The following ZCCHC24 variants were observed in gnomAD, a reference collection of about 807,000 sequenced individuals.
ZCCHC24 encodes zinc finger CCHC-type containing 24.
In ZCCHC24, 10 loss-of-function variants were observed where a neutral mutation model predicts 26.2. The ratio of observed to expected loss-of-function variants is 0.38; its 90% CI spans 0.24 to 0.65. The LOEUF (loss-of-function observed/expected upper bound fraction) is 0.65. Among genes scored for constraint, ZCCHC24 ranks in the 30% least tolerant of loss-of-function variants. The probability of loss-of-function intolerance (pLI) is 0.54; values close to 1 mark genes in which losing one functional copy is unlikely to be tolerated. For synonymous variants in ZCCHC24, 144 were observed against 147.1 expected (o/e 0.98, Z 0.15); for missense variants, 243 against 329.1 (o/e 0.74, Z 2.03).
In ZCCHC24 at chr10:79,386,212, C is replaced by T. The variant is rs1856390505; in HGVS notation, c.*133G>A. The T allele has an allele frequency of 9.4e-6, 7 of 741,880 alleles. No individual in the cohort carries two copies. The highest frequency in any genetic ancestry group is 1.6e-5 in the Non-Finnish European group (7 of 428,102). The allele number at this position is 741,880 out of a possible 1,614,324, so 46.0% of individuals were successfully genotyped here. On this transcript the variant is annotated 3_prime_UTR_variant, in exon 4 of 4. Coordinates refer to ENST00000372336, the MANE Select transcript of ZCCHC24 (RefSeq NM_153367.4). ...ACACACAAGACAAGGACGCTAAGAG[C>T]CCCCGGCCCAGCCCCGCAGGCCTGC...
chr10:79,423,581 C>CTATATATATATTATATATA lies in ZCCHC24; in HGVS notation c.447+8976_447+8977insTATATATAATATATATATA. Reference sequence around the variant, plus strand: ...AACAAAAACAAACAAAATATATATACTATATATATATATATATATATATAT... The same window carrying CTATATATATATTATATATA: ...AACAAAAACAAACAAAATATATATACTATATATATATTATATATATATATATATATATATATATATATAT... On this transcript the variant is annotated intron_variant, in intron 2 of 3. Transcript: ENST00000372336. Among the ~76,000 whole-genome samples, 10 of 53,764 alleles carry CTATATATATATTATATATA rather than the reference C, an allele frequency of 1.9e-4. 2 individuals are homozygous for CTATATATATATTATATATA. Among genetic ancestry groups the CTATATATATATTATATATA allele is most frequent in the African/African-American group, 6.9e-4 (9 of 13,022 alleles). 35.3% of individuals were successfully genotyped at this position (53,764 alleles called of 152,430 possible). A position where few individuals can be genotyped will look rare whatever the true frequency, so the allele number is the denominator to read the frequency against.
intron 1 of ZCCHC24, chr10:79,444,379 A>G (rs559086914): frequency 2.2e-5 from 16 of 738,772 alleles, no homozygotes; most frequent in African/African-American, 2.1e-4. Context: ...GGCGCTGCCC[A>G]GTCAACTTTG....
intron 2 of ZCCHC24, among the ~76,000 whole-genome samples, chr10:79,395,529 C>T (rs774257973): frequency 6.6e-6 from 1 of 152,196 alleles, no homozygotes; most frequent in African/African-American, 2.4e-5. Flanking sequence ...CCCTTCTTCC[C>T]ACATACTGCA....
intron 2 of ZCCHC24, among the ~76,000 whole-genome samples, chr10:79,425,483 C>A (rs1211620283): frequency 1.3e-5 from 2 of 152,176 alleles, no homozygotes; most frequent in African/African-American, 4.8e-5. Flanking sequence ...TTTAAAGAAC[C>A]CTGACTTTCT....
chr10:79,416,520 C>T (rs1673669625), intron 2 of ZCCHC24, among the ~76,000 whole-genome samples: 1 of 152,142 alleles, frequency 6.6e-6, no homozygotes, highest in African/African-American at 2.4e-5. Context: ...TCACCCAGGG[C>T]TCAAATCCCA....
At position 79,386,221 on chromosome 10, in the gene ZCCHC24, C is replaced by G. The variant is rs745987773; in HGVS notation, c.*124G>C. ...ACAAGGACGCTAAGAGCCCCCGGCC[C>G]AGCCCCGCAGGCCTGCGAGGGCACC... is the stretch of plus-strand genomic sequence containing the variant. On this transcript the variant is annotated 3_prime_UTR_variant, in exon 4 of 4. Transcript: ENST00000372336. 1.2e-6 allele frequency: 1 copy of G among 835,118 alleles called. No individual in the cohort carries two copies. Among genetic ancestry groups the G allele is most frequent in the Non-Finnish European group, 2.0e-6 (1 of 508,004 alleles). 51.7% of individuals were successfully genotyped at this position (835,118 alleles called of 1,614,324 possible).
chr10:79,387,946 G>A (rs1856423660), intron 3 of ZCCHC24, among the ~76,000 whole-genome samples: 1 of 152,178 alleles, frequency 6.6e-6, no homozygotes, highest in Non-Finnish European at 1.5e-5. Context: ...AAGGCCTGGA[G>A]GGAAAGACAG....
At chr10:79,427,262 C>T (rs1397208156) in intron 2 of ZCCHC24, among the ~76,000 whole-genome samples, 1 of 152,158 alleles carries the variant, frequency 6.6e-6, no homozygotes, top group African/African-American at 2.4e-5. Context: ...AATATCCCCA[C>T]TTAAAATAAT....
In ZCCHC24 at chr10:79,393,020, C is replaced by A. The variant is rs138698350; in HGVS notation, c.612+1256G>T. On this transcript the variant is annotated intron_variant, in intron 3 of 3. Transcript: ENST00000372336. Reference sequence around the variant, plus strand: ...GACCCCACCCCAGGCTTCTAGGACTCCACACCCCCTGGTTCTCCTTCTCCT... The same window carrying A: ...GACCCCACCCCAGGCTTCTAGGACTACACACCCCCTGGTTCTCCTTCTCCT... Among the ~76,000 whole-genome samples, 1,205 of 152,302 alleles carry A rather than the reference C, an allele frequency of 7.9e-3. 11 individuals carry two copies. The highest frequency in any genetic ancestry group is 0.019 in the African/African-American group (786 of 41,554).
At chr10:79,398,831 T>C (rs1305894614) in intron 2 of ZCCHC24, among the ~76,000 whole-genome samples, 1 of 152,104 alleles carries the variant, frequency 6.6e-6, no homozygotes, top group African/African-American at 2.4e-5. Context: ...TGGAATCCTG[T>C]GGGGCAGGGG....
At chr10:79,443,375 G>A (rs1020084780) in intron 1 of ZCCHC24, among the ~76,000 whole-genome samples, 1 of 152,190 alleles carries the variant, frequency 6.6e-6, no homozygotes, top group Non-Finnish European at 1.5e-5. Flanking sequence ...ACCCACAGGT[G>A]GGGAACAATG....
In ZCCHC24 at chr10:79,384,336, C is replaced by G. The variant is rs1200394758; in HGVS notation, c.*2009G>C. The G allele has an allele frequency of 6.6e-6, 1 of 152,434 alleles. No homozygotes were observed. The highest frequency in any genetic ancestry group is 2.1e-4 in the South Asian group (1 of 4,840). The allele number at this position is 152,434 out of a possible 1,614,324, so 9.4% of individuals were successfully genotyped here. A position where few individuals can be genotyped will look rare whatever the true frequency, so the allele number is the denominator to read the frequency against. Reference sequence around the variant, plus strand: ...CCAGGCATCCTTGGGCCAAGGTCCCCCATGGCCGGGTCCCTGGAAGGGTTG... The same window carrying G: ...CCAGGCATCCTTGGGCCAAGGTCCCGCATGGCCGGGTCCCTGGAAGGGTTG... On this transcript the variant is annotated 3_prime_UTR_variant, in exon 4 of 4. Transcript: ENST00000372336.
At chr10:79,413,924 G>A (rs778794446) in intron 2 of ZCCHC24, among the ~76,000 whole-genome samples, 12 of 152,256 alleles carry the variant, frequency 7.9e-5, no homozygotes, top group Non-Finnish European at 1.3e-4. Flanking sequence ...GTAGCTGTAT[G>A]TCCACCTGCT....
intron 2 of ZCCHC24, among the ~76,000 whole-genome samples, chr10:79,404,221 C>T (rs912252155): frequency 2.6e-5 from 4 of 152,332 alleles, no homozygotes; most frequent in South Asian, 4.1e-4. Flanking sequence ...GGCCCTGAGG[C>T]GCTGCTGCCC....
chr10:79,420,477 G>T (rs915454230), intron 2 of ZCCHC24, among the ~76,000 whole-genome samples: 3 of 152,180 alleles, frequency 2.0e-5, no homozygotes, highest in African/African-American at 4.8e-5. Flanking sequence ...CGGAATTGAG[G>T]CATAATAATA....
At chr10:79,428,073 G>A (rs1237648319) in intron 2 of ZCCHC24, among the ~76,000 whole-genome samples, 1 of 152,154 alleles carries the variant, frequency 6.6e-6, no homozygotes, top group Non-Finnish European at 1.5e-5. Flanking sequence ...ATAAACCCTC[G>A]ATCACAGCAG....
intron 3 of ZCCHC24, among the ~76,000 whole-genome samples, chr10:79,393,671 C>T (rs955600210): frequency 1.3e-5 from 2 of 152,350 alleles, no homozygotes; most frequent in African/African-American, 2.4e-5. Context: ...TAGCCCTCTA[C>T]CCCAAGCCTC....
chr10:79,408,953 T>A (rs1327725578), intron 2 of ZCCHC24: 1 of 152,236 alleles, frequency 6.6e-6, no homozygotes, highest in African/African-American at 2.4e-5. Context: ...TCTCCCTGTG[T>A]GTCCACTCGT....
intron 3 of ZCCHC24, among the ~76,000 whole-genome samples, chr10:79,388,356 G>A (rs781006101): frequency 5.9e-5 from 9 of 152,216 alleles, no homozygotes; most frequent in South Asian, 2.1e-4. Context: ...TTTCCTGGAC[G>A]TCCCAGGGAG....
Sources: gnomAD v4.1 joint callset for allele counts (sites outside exome capture counted in the v4.1 genomes callset) on GRCh38, gnomAD v4.1.1 for gene constraint, MANE v1.5 for transcripts, NCBI Gene and HGNC (gene_info 2026-07-23, HGNC 2026-07-21) for gene names.